GRID2: variants seen among roughly 807,000 people sequenced by gnomAD.
GRID2 encodes glutamate receptor ionotropic, delta-2.
In GRID2, 33 loss-of-function variants were observed where a neutral mutation model predicts 114.8. That is an observed-to-expected ratio of 0.29 (90% CI 0.22 to 0.38). The LOEUF is 0.38. GRID2 is among the 10% of genes least tolerant of loss of function. GRID2 has a pLI of 1.00. For missense variants in GRID2, 1,184 were observed against 1,257.7 expected, an observed-to-expected ratio of 0.94 and a Z score of 0.89; for synonymous variants, 505 against 449.9, an observed-to-expected ratio of 1.12 and a Z score of -1.55.
intron 3 of GRID2, among the ~76,000 whole-genome samples, chr4:93,096,915 A>C (rs1362096308): frequency 6.6e-6 from 1 of 152,032 alleles, no homozygotes; most frequent in African/African-American, 2.4e-5. Flanking sequence ...TCTAATGCCC[A>C]TCATTTTGAG....
intron 1 of GRID2, among the ~76,000 whole-genome samples, chr4:92,384,551 TATATTATATATAATATAATATATAA>T: frequency 2.4e-4 from 11 of 46,438 alleles, no homozygotes; most frequent in South Asian, 5.9e-4. Context: ...ATATATAATA[TATATTATATATAATATAATATATAA>T]AATATATTAT....
At chr4:92,743,566 T>A in intron 2 of GRID2, among the ~76,000 whole-genome samples, 1 of 152,312 alleles carries the variant, frequency 6.6e-6, no homozygotes, top group South Asian at 2.1e-4. Context: ...TTTATTGTTT[T>A]GACTTCATTT....
chr4:93,535,169 A>G (rs1206246976), intron 13 of GRID2, among the ~76,000 whole-genome samples: 1 of 151,454 alleles, frequency 6.6e-6, no homozygotes, highest in Non-Finnish European at 1.5e-5. Flanking sequence ...GTTGTCACAA[A>G]TGGTGGGATT....
intron 4 of GRID2, among the ~76,000 whole-genome samples, chr4:93,114,691 C>T (rs923569964): frequency 6.6e-6 from 1 of 152,108 alleles, no homozygotes; most frequent in Non-Finnish European, 1.5e-5. Flanking sequence ...CCCACCTCCT[C>T]GATGGGTTCT....
chr4:92,837,503 A>C (rs1035850465), intron 2 of GRID2, among the ~76,000 whole-genome samples: 13 of 151,372 alleles, frequency 8.6e-5, no homozygotes, highest in African/African-American at 3.1e-4. Context: ...GGCCATGTAC[A>C]TTTTTACTCA....
intron 11 of GRID2, among the ~76,000 whole-genome samples, chr4:93,470,352 C>A (rs1724687203): frequency 6.6e-6 from 1 of 152,028 alleles, no homozygotes; most frequent in South Asian, 2.1e-4. Context: ...CATGCATTTA[C>A]CCCCAGGAAA....
intron 1 of GRID2, among the ~76,000 whole-genome samples, chr4:92,406,582 A>G (rs1713688062): frequency 6.6e-6 from 1 of 151,978 alleles, no homozygotes; most frequent in African/African-American, 2.4e-5. Context: ...TAAGAGATAT[A>G]CATGCAAGTT....
intron 1 of GRID2, among the ~76,000 whole-genome samples, chr4:92,483,796 GA>G (rs1463934342): frequency 6.6e-6 from 1 of 152,072 alleles, no homozygotes; most frequent in Non-Finnish European, 1.5e-5. Context: ...ACAAGCAACA[GA>G]AAAAAATTAA....
Position 93,743,921 on chromosome 4 carries a change from CTTG to C in GRID2, c.2361-25286_2361-25284del, listed in dbSNP as rs954405761. ...TTCAGAGCTTCAAAGGACAGCCTAT[CTTG>C]TTAAGGCTGAATACATTTGGTGACT... On this transcript the variant is annotated intron_variant, in intron 14 of 15. Coordinates refer to ENST00000282020, the MANE Select transcript of GRID2 (RefSeq NM_001510.4). 9.9e-5 allele frequency among the ~76,000 whole-genome samples: 15 copies of C among 152,134 alleles called. 1 individual carries two copies. The highest frequency in any genetic ancestry group is 2.4e-5 in the African/African-American group (1 of 41,410).
chr4:93,251,505 T>G (rs568782155), intron 8 of GRID2, among the ~76,000 whole-genome samples: 24 of 152,280 alleles, frequency 1.6e-4, no homozygotes, highest in African/African-American at 5.3e-4. Context: ...ATATTCCAAT[T>G]TTTTAAACTT....
At chr4:92,601,505 C>G (rs772119739) in intron 2 of GRID2, among the ~76,000 whole-genome samples, 9 of 152,186 alleles carry the variant, frequency 5.9e-5, no homozygotes, top group Non-Finnish European at 8.8e-5. Context: ...AGAAAACATA[C>G]CAGATTCTCT....
At chr4:93,417,577 A>T (rs574085048) in intron 9 of GRID2, among the ~76,000 whole-genome samples, 2 of 151,984 alleles carry the variant, frequency 1.3e-5, no homozygotes, top group African/African-American at 4.8e-5. Flanking sequence ...CCTTCCCAGC[A>T]TCCCAGAGTC....
intron 8 of GRID2, among the ~76,000 whole-genome samples, chr4:93,314,751 A>G (rs1003572683): frequency 4.6e-5 from 7 of 152,026 alleles, no homozygotes; most frequent in South Asian, 4.1e-4. Flanking sequence ...TCACACACAC[A>G]CACACACACT....
chr4:93,496,134 AACAGG>A (rs1727519109), intron 12 of GRID2, among the ~76,000 whole-genome samples: 1 of 151,592 alleles, frequency 6.6e-6, no homozygotes, highest in Non-Finnish European at 1.5e-5. Flanking sequence ...AAAAAAAAAA[AACAGG>A]CTGTTTTGAG....
chr4:93,087,209 T>G (rs1730408707), intron 3 of GRID2, among the ~76,000 whole-genome samples: 1 of 151,776 alleles, frequency 6.6e-6, no homozygotes, highest in South Asian at 2.1e-4. Context: ...TATTGTTTTT[T>G]TTTTGTATTT....
chr4:92,933,819 T>C (rs1750424369), intron 2 of GRID2, among the ~76,000 whole-genome samples: 1 of 151,710 alleles, frequency 6.6e-6, no homozygotes, highest in South Asian at 2.1e-4. Flanking sequence ...TTATCTTTGA[T>C]TATGCTTCAA....
rs76593864 is a variant in GRID2, at chr4:93,342,294, C to G, written c.1246-53313C>G. 6.9e-4 allele frequency among the ~76,000 whole-genome samples: 105 copies of G among 152,010 alleles called. No individual in the cohort carries two copies. In the East Asian group the frequency reaches 0.02, roughly 28 times the overall value. ...CTAAAACCACCATGGTCATTTTTTT[C>G]TTCCCTCATATATGCCAACTTTTCC... On this transcript the variant is annotated intron_variant, in intron 8 of 15. Transcript: ENST00000282020.
intron 11 of GRID2, among the ~76,000 whole-genome samples, chr4:93,475,062 C>A (rs1343263442): frequency 1.3e-5 from 2 of 152,026 alleles, no homozygotes; most frequent in Non-Finnish European, 2.9e-5. Context: ...TTGTTACATC[C>A]ATGGTTTTGA....
At chr4:92,928,884 T>C (rs753990778) in intron 2 of GRID2, among the ~76,000 whole-genome samples, 2 of 151,448 alleles carry the variant, frequency 1.3e-5, no homozygotes, top group South Asian at 2.1e-4. Context: ...TTGAGAACCA[T>C]CTTTGGCAAC....
Sources: allele counts gnomAD v4.1 joint callset (sites outside exome capture counted in the v4.1 genomes callset), GRCh38; gene constraint gnomAD v4.1.1; transcripts MANE v1.5; gene names NCBI Gene and HGNC (gene_info 2026-07-23, HGNC 2026-07-21).